The following PIK3CB variants were observed in gnomAD, a reference collection of about 807,000 sequenced individuals.
PIK3CB encodes phosphatidylinositol 4,5-bisphosphate 3-kinase catalytic subunit beta isoform.
Under a neutral mutation model 136.8 loss-of-function variants are expected in PIK3CB, and 39 were observed. The ratio of observed to expected loss-of-function variants is 0.29; its 90% CI spans 0.22 to 0.37. The LOEUF (loss-of-function observed/expected upper bound fraction) is 0.37. Among genes scored for constraint, PIK3CB ranks in the 10% least tolerant of loss-of-function variants. The pLI, the probability that PIK3CB is intolerant of heterozygous loss-of-function variation, is 1.00. For synonymous variants in PIK3CB, 428 were observed against 436.6 expected, an observed-to-expected ratio of 0.98 and a Z score of 0.25; for missense variants, 868 against 1,275.4, an observed-to-expected ratio of 0.68 and a Z score of 4.87.
chr3:138,769,553 C>T (rs1293600439), intron 2 of PIK3CB, among the ~76,000 whole-genome samples: 1 of 152,160 alleles, frequency 6.6e-6, no homozygotes, highest in Non-Finnish European at 1.5e-5. Context: ...GAGCTTCATG[C>T]ACAACCCTTT....
chr3:138,660,575 C>T (rs937067997), intron 21 of PIK3CB, among the ~76,000 whole-genome samples: 2 of 152,038 alleles, frequency 1.3e-5, no homozygotes, highest in African/African-American at 4.8e-5. Context: ...TGGGGAGATA[C>T]TGGTCAAATA....
intron 10 of PIK3CB, among the ~76,000 whole-genome samples, chr3:138,710,023 C>CAAAAAAAAA (rs34985570): frequency 8.7e-5 from 8 of 91,930 alleles, no homozygotes; most frequent in Non-Finnish European, 1.8e-4. Flanking sequence ...ACAAAAAATA[C>CAAAAAAAAA]AAAAAAAAAA....
At chr3:138,678,641 TA>T (rs1303215886) in intron 19 of PIK3CB, among the ~76,000 whole-genome samples, 2 of 151,878 alleles carry the variant, frequency 1.3e-5, no homozygotes, top group Non-Finnish European at 2.9e-5. Context: ...GAGACAAATA[TA>T]ATATAAAATG....
intron 1 of PIK3CB, among the ~76,000 whole-genome samples, chr3:138,799,505 T>C (rs2046148131): frequency 6.6e-6 from 1 of 152,140 alleles, no homozygotes; most frequent in Non-Finnish European, 1.5e-5. Context: ...TTGTACAGCA[T>C]AAATCATATC....
At chr3:138,821,754 CA>C (rs1238661386) in intron 1 of PIK3CB, among the ~76,000 whole-genome samples, 18 of 151,852 alleles carry the variant, frequency 1.2e-4, no homozygotes, top group Non-Finnish European at 4.4e-5. Flanking sequence ...CACTGCACTC[CA>C]GGTTGGGCAA....
At chr3:138,682,259 A>T (rs756744731) in intron 18 of PIK3CB, among the ~76,000 whole-genome samples, 3 of 152,240 alleles carry the variant, frequency 2.0e-5, no homozygotes, top group Non-Finnish European at 4.4e-5. Context: ...ATTGTTTGCC[A>T]TGTGTAAGTT....
At chr3:138,771,777 G>A (rs2045803406) in intron 2 of PIK3CB, among the ~76,000 whole-genome samples, 1 of 152,114 alleles carries the variant, frequency 6.6e-6, no homozygotes, top group Admixed American at 6.5e-5. Context: ...TTGGCTGGGT[G>A]TGGTGGCACA....
intron 5 of PIK3CB, among the ~76,000 whole-genome samples, chr3:138,741,046 T>C (rs553805595): frequency 1.3e-5 from 2 of 152,364 alleles, no homozygotes; most frequent in East Asian, 3.9e-4. Context: ...GACCTTGACA[T>C]TTTAATGATA....
intron 4 of PIK3CB, among the ~76,000 whole-genome samples, chr3:138,750,934 T>A (rs2045458906): frequency 6.6e-6 from 1 of 152,200 alleles, no homozygotes; most frequent in Non-Finnish European, 1.5e-5. Flanking sequence ...CGGTCACTGG[T>A]AAAATTTCAA....
intron 1 of PIK3CB, chr3:138,825,750 T>A: frequency 2.8e-6 from 2 of 711,112 alleles, no homozygotes; most frequent in Non-Finnish European, 5.1e-6. Context: ...AAGTGGAGAC[T>A]GGTGTTCTCA....
At chr3:138,714,300 G>C (rs2044564240) in intron 9 of PIK3CB, among the ~76,000 whole-genome samples, 168 bp downstream of exon 9, 1 of 152,072 alleles carries the variant, frequency 6.6e-6, no homozygotes, top group Admixed American at 6.6e-5. Flanking sequence ...ATAAATGCAT[G>C]AACATAAATC....
chr3:138,812,764 G>A (rs1487765742), intron 1 of PIK3CB, among the ~76,000 whole-genome samples: 2 of 151,186 alleles, frequency 1.3e-5, no homozygotes, highest in African/African-American at 4.9e-5. Context: ...CCTTACATCA[G>A]GTGATCCACC....
intron 2 of PIK3CB, among the ~76,000 whole-genome samples, chr3:138,772,818 C>T (rs1331290280): frequency 7.7e-6 from 1 of 129,880 alleles, no homozygotes; most frequent in Non-Finnish European, 1.6e-5. Context: ...TGGAGTCTTG[C>T]TCTGTTGCCC....
intron 19 of PIK3CB, among the ~76,000 whole-genome samples, chr3:138,675,630 G>A (rs964527135): frequency 5.3e-5 from 8 of 152,110 alleles, no homozygotes; most frequent in African/African-American, 1.9e-4. Flanking sequence ...AGAAACCAGG[G>A]AAGCCAGAAG....
At chr3:138,814,632 C>A (rs1052242215) in intron 1 of PIK3CB, among the ~76,000 whole-genome samples, 1 of 152,116 alleles carries the variant, frequency 6.6e-6, no homozygotes, top group Non-Finnish European at 1.5e-5. Context: ...ACCTTCCTTT[C>A]CTCCACTCAA....
At chr3:138,788,656 C>CAAAAAAA (rs71146142) in intron 2 of PIK3CB, among the ~76,000 whole-genome samples, 1 of 37,726 alleles carries the variant, frequency 2.7e-5, no homozygotes, top group East Asian at 8.5e-4. Context: ...GACTTTGTCT[C>CAAAAAAA]AAAAAAAAAA....
intron 1 of PIK3CB, among the ~76,000 whole-genome samples, chr3:138,831,469 C>T (rs1011372020): frequency 1.3e-5 from 2 of 151,626 alleles, no homozygotes; most frequent in Non-Finnish European, 2.9e-5. Flanking sequence ...GCCTGTAATC[C>T]CAGCTACTTG....
chr3:138,825,969 A>C, intron 1 of PIK3CB: 2 of 1,560,858 alleles, frequency 1.3e-6, no homozygotes, highest in African/African-American at 1.4e-5. Flanking sequence ...TTCACTGCTC[A>C]AGTGATTATC....
At chr3:138,774,811 C>G (rs142008978) in intron 2 of PIK3CB, among the ~76,000 whole-genome samples, 106 of 152,268 alleles carry the variant, frequency 7.0e-4, no homozygotes, top group African/African-American at 2.5e-3. Context: ...ATGCACTATT[C>G]CAGGCTTTGA....
Sources: gnomAD v4.1 joint callset for allele counts (sites outside exome capture counted in the v4.1 genomes callset) on GRCh38, gnomAD v4.1.1 for gene constraint, MANE v1.5 for transcripts, NCBI Gene and HGNC (gene_info 2026-07-23, HGNC 2026-07-21) for gene names.